The following MDGA2 variants were observed in gnomAD, a reference collection of about 807,000 sequenced individuals.
MDGA2 encodes the protein MAM domain containing glycosylphosphatidylinositol anchor 2, also known as MAM domain-containing glycosylphosphatidylinositol anchor protein 2.
A neutral mutation model predicts 117.8 loss-of-function variants in MDGA2; 40 were observed. The observed-to-expected ratio is 0.34, with a 90% CI of 0.26 to 0.44. The LOEUF is 0.44. Ranked by LOEUF, MDGA2 falls within the 20% of genes least tolerant of loss-of-function variation. The pLI, the probability that MDGA2 is intolerant of heterozygous loss-of-function variation, is 1.00. For synonymous variants in MDGA2, 452 were observed against 439.0 expected, an observed-to-expected ratio of 1.03 and a Z score of -0.37; for missense variants, 1,123 against 1,250.6, an observed-to-expected ratio of 0.90 and a Z score of 1.54.
chr14:47,255,023 T>C (rs781380741), intron 2 of MDGA2, among the ~76,000 whole-genome samples: 2 of 152,156 alleles, frequency 1.3e-5, no homozygotes, highest in African/African-American at 2.4e-5. Flanking sequence ...ATGATTCAAT[T>C]ACCTCCCATC....
chr14:47,645,660 T>A (rs947570421), intron 1 of MDGA2, among the ~76,000 whole-genome samples: 63 of 152,268 alleles, frequency 4.1e-4, no homozygotes, highest in South Asian at 4.1e-4. Flanking sequence ...TACATTTTTT[T>A]AAGATTTCAT....
intron 1 of MDGA2, among the ~76,000 whole-genome samples, chr14:47,617,507 T>G (rs1357027393): frequency 6.6e-6 from 1 of 152,128 alleles, no homozygotes; most frequent in Non-Finnish European, 1.5e-5. Flanking sequence ...CCCGGCCTAT[T>G]AGTCCTTTTT....
At chr14:47,095,464 G>A (rs1879906985) in intron 6 of MDGA2, among the ~76,000 whole-genome samples, 1 of 151,440 alleles carries the variant, frequency 6.6e-6, no homozygotes, top group African/African-American at 2.4e-5. Flanking sequence ...TGCTTTTATT[G>A]GCCTTTTTAT....
chr14:47,351,448 C>G (rs1890880131), intron 1 of MDGA2, among the ~76,000 whole-genome samples: 1 of 152,080 alleles, frequency 6.6e-6, no homozygotes, highest in Non-Finnish European at 1.5e-5. Context: ...ATAATTATAA[C>G]TATATTTTTA....
intron 2 of MDGA2, among the ~76,000 whole-genome samples, chr14:47,281,671 G>A (rs960792552): frequency 2.6e-5 from 4 of 152,074 alleles, no homozygotes; most frequent in Non-Finnish European, 5.9e-5. Flanking sequence ...GATGATCACG[G>A]CATAAATCCA....
chr14:47,495,950 A>T (rs940224869), intron 1 of MDGA2, among the ~76,000 whole-genome samples: 2 of 152,218 alleles, frequency 1.3e-5, no homozygotes, highest in Admixed American at 6.5e-5. Context: ...ATTTCACCCT[A>T]ATTTTATTTT....
chr14:47,027,226 G>A (rs1227293520), intron 8 of MDGA2, among the ~76,000 whole-genome samples: 1 of 151,990 alleles, frequency 6.6e-6, no homozygotes, highest in African/African-American at 2.4e-5. Flanking sequence ...AGGGTTTCAA[G>A]GGGAGAAAAT....
chr14:47,609,465 A>ATATATATATATATATATAT (rs1555336021), intron 1 of MDGA2, among the ~76,000 whole-genome samples: 174 of 107,338 alleles, frequency 1.6e-3, no homozygotes, highest in Middle Eastern at 4.9e-3. Context: ...ATATATATAT[A>ATATATATATATATATATAT]AGTTTCTTTA....
intron 1 of MDGA2, among the ~76,000 whole-genome samples, chr14:47,607,522 G>T (rs1381628644): frequency 6.6e-6 from 1 of 152,096 alleles, no homozygotes; most frequent in Non-Finnish European, 1.5e-5. Flanking sequence ...ATTTTAAACT[G>T]GGAAATGGTT....
chr14:47,250,452 T>C (rs1302330581), intron 2 of MDGA2, among the ~76,000 whole-genome samples: 2 of 152,232 alleles, frequency 1.3e-5, no homozygotes, highest in Non-Finnish European at 2.9e-5. Context: ...AAAGGTCATA[T>C]GTATAAACGT....
intron 1 of MDGA2, among the ~76,000 whole-genome samples, chr14:47,606,492 C>T (rs191767448): frequency 2.6e-5 from 4 of 152,252 alleles, no homozygotes; most frequent in Admixed American, 1.3e-4. Flanking sequence ...TATCACATGT[C>T]AGAACATGAG....
intron 6 of MDGA2, among the ~76,000 whole-genome samples, chr14:47,062,697 C>T (rs1889934867): frequency 6.6e-6 from 1 of 151,980 alleles, no homozygotes; most frequent in Non-Finnish European, 1.5e-5. Flanking sequence ...CACTAGAAGG[C>T]TGCTAACAGC....
intron 1 of MDGA2, among the ~76,000 whole-genome samples, chr14:47,355,524 G>C (rs1890974552): frequency 6.6e-6 from 1 of 151,982 alleles, no homozygotes; most frequent in Non-Finnish European, 1.5e-5. Flanking sequence ...GTGTTTTATG[G>C]CCCTGTACCA....
At chr14:47,287,523 G>A (rs1021592563) in intron 2 of MDGA2, among the ~76,000 whole-genome samples, 3 of 151,992 alleles carry the variant, frequency 2.0e-5, no homozygotes, top group African/African-American at 7.2e-5. Flanking sequence ...TATATCCATA[G>A]CTTCACATAG....
chr14:47,173,741 C>G (rs952037569), intron 3 of MDGA2, among the ~76,000 whole-genome samples: 33 of 152,284 alleles, frequency 2.2e-4, no homozygotes, highest in African/African-American at 7.2e-4. Flanking sequence ...ACTGCATCAA[C>G]TAACGAGCAA....
intron 1 of MDGA2, among the ~76,000 whole-genome samples, chr14:47,441,437 A>G (rs1893009281): frequency 6.6e-6 from 1 of 152,178 alleles, no homozygotes; most frequent in African/African-American, 2.4e-5. Context: ...CAAAAGCGCA[A>G]ATTTTTAAAA....
chr14:47,248,564 C>T (rs748393374), intron 2 of MDGA2, among the ~76,000 whole-genome samples: 13 of 151,772 alleles, frequency 8.6e-5, no homozygotes, highest in East Asian at 7.7e-4. Flanking sequence ...TGAACTTATA[C>T]GGTTTTATAG....
At chr14:47,608,415 C>T (rs1225401753) in intron 1 of MDGA2, among the ~76,000 whole-genome samples, 1 of 152,026 alleles carries the variant, frequency 6.6e-6, no homozygotes, top group African/African-American at 2.4e-5. Context: ...TATTTGAGAG[C>T]ATATGATGTT....
rs369929862 is a variant in MDGA2 at position 47,480,673 on chromosome 14, G to A, written c.281-179123C>T. Among the ~76,000 whole-genome samples, 51 of 151,792 alleles carry A rather than the reference G, an allele frequency of 3.4e-4. No homozygotes were observed. In the East Asian group the frequency reaches 3.9e-3, roughly 12 times the overall value. On this transcript the variant is annotated intron_variant, in intron 1 of 16. Coordinates refer to ENST00000399232, the MANE Select transcript of MDGA2 (RefSeq NM_001113498.3). ...CATTTTCTAATTATTGTTCACAGAA[G>A]AAGAAAGAATAAACTTAGTCCACCA...
Sources: gnomAD v4.1 joint callset for allele counts (sites outside exome capture counted in the v4.1 genomes callset) on GRCh38, gnomAD v4.1.1 for gene constraint, MANE v1.5 for transcripts, NCBI Gene and HGNC (gene_info 2026-07-23, HGNC 2026-07-21) for gene names.